Variants in SLC12A9 observed in about 807,000 individuals in gnomAD.
The protein encoded by SLC12A9 is CCC-interacting protein 1.
In SLC12A9, 55 loss-of-function variants were observed where a neutral mutation model predicts 66.0. That is an observed-to-expected ratio of 0.83 (90% CI 0.67 to 1.04). The LOEUF (loss-of-function observed/expected upper bound fraction) is 1.04, where lower values mean the gene tolerates loss of function less well. SLC12A9 is among the 50% of genes least tolerant of loss of function. The pLI is 0.00. For missense variants in SLC12A9, 1,061 were observed against 1,241.9 expected, an observed-to-expected ratio of 0.85 and a Z score of 2.19; for synonymous variants, 577 against 569.0, an observed-to-expected ratio of 1.01 and a Z score of -0.20.
intron 13 of SLC12A9, among the ~76,000 whole-genome samples, chr7:100,863,061 TC>T (rs368703529): frequency 6.7e-6 from 1 of 150,084 alleles, no homozygotes. Context: ...TTTTCCTTCT[TC>T]TTTTTTTTTT....
upstream of SLC12A9, among the ~76,000 whole-genome samples, chr7:100,851,956 T>G (rs545862459): frequency 2.1e-4 from 32 of 152,288 alleles, no homozygotes; most frequent in African/African-American, 7.7e-4. Context: ...AAGTGCCCAT[T>G]AAATGCTCAC....
rs1479003611 is a variant in SLC12A9, at chr7:100,861,896, A to G, written c.1696A>G (p.Thr566Ala). 4 of 1,599,158 alleles carry G rather than the reference A, an allele frequency of 2.5e-6. No individual in the cohort carries two copies. Among genetic ancestry groups the G allele is most frequent in the Admixed American group, 3.4e-5 (2 of 59,008 alleles). ...GGGGCTGTATGTGCTGGGCCACGTC[A>G]CCCTGGGAGACCTCGGTGAGCTGCC... ...KGGLYVLGHV[T>A]LGDLDSLPSD... The change falls in exon 12 of 14, where the codon ACC (threonine) becomes GCC (alanine). Residue 566 changes from threonine to alanine, a missense_variant. Physicochemically the swap from Thr to Ala is moderately conservative, Grantham distance 58 (BLOSUM62 0). Transcript: ENST00000354161. The surrounding 1 kb of genome is among the most constrained non-coding windows in gnomAD (Gnocchi z 5.3).
At position 100,857,191 on chromosome 7, in the gene SLC12A9, G is replaced by A; in HGVS notation, c.757+15G>A. 1 of 1,599,928 alleles carries A rather than the reference G, an allele frequency of 6.3e-7. No homozygotes were observed. The highest frequency in any genetic ancestry group is 8.5e-7 in the Non-Finnish European group (1 of 1,170,484). On this transcript the variant is annotated intron_variant, in intron 5 of 13. Transcript: ENST00000354161. The stretch of plus-strand genomic sequence containing the variant: ...CAACTTGGGCGGTGAGCTGGGTGCT[G>A]CCGTGGCAGGGATCTCGGGGTGAGG...
At chr7:100,858,972 G>T (rs1337349122) in intron 6 of SLC12A9, 30 bp downstream of exon 6, 1 of 1,613,204 alleles carries the variant, frequency 6.2e-7, no homozygotes, top group East Asian at 2.2e-5. Flanking sequence ...GCCTCCTGGG[G>T]GTTTGGGGCT....
At chr7:100,859,841 C>A in intron 7 of SLC12A9, 44 bp from the exon 8 acceptor site, 1 of 1,566,034 alleles carries the variant, frequency 6.4e-7, no homozygotes, top group Non-Finnish European at 8.7e-7. Flanking sequence ...TTTTCTTACC[C>A]CGTGACGCAT....
chr7:100,851,784 CAAAA>C (rs66749400), upstream of SLC12A9, among the ~76,000 whole-genome samples: 2,075 of 74,184 alleles, frequency 0.028, 23 homozygotes, highest in South Asian at 0.059. Flanking sequence ...GTTCCTGGAT[CAAAA>C]AAAAAAAAAA....
At chr7:100,839,359 G>C (rs1488958745) in intron 1 of SLC12A9, among the ~76,000 whole-genome samples, 5 of 152,086 alleles carry the variant, frequency 3.3e-5, no homozygotes, top group Admixed American at 6.5e-5. Context: ...CACTCAGGGA[G>C]CTCGGCTCTT....
chr7:100,860,890 CTT>C, intron 9 of SLC12A9: 1 of 618,416 alleles, frequency 1.6e-6, no homozygotes, highest in Non-Finnish European at 2.9e-6. Flanking sequence ...TACACTGGCA[CTT>C]TTGGGGTTTA....
At chr7:100,864,988 C>T (rs996194840) in intron 13 of SLC12A9, among the ~76,000 whole-genome samples, 3 of 151,860 alleles carry the variant, frequency 2.0e-5, no homozygotes, top group Non-Finnish European at 2.9e-5. Flanking sequence ...GATGGAGTCT[C>T]GCTCTGTTGC....
upstream of SLC12A9, among the ~76,000 whole-genome samples, chr7:100,849,063 A>T (rs564591604): frequency 3.3e-5 from 5 of 151,552 alleles, 1 homozygote; most frequent in East Asian, 9.9e-4. Flanking sequence ...AGTAGCTGGA[A>T]TTACAGGCGT....
At chr7:100,834,888 G>C (rs1813617685) in intron 1 of SLC12A9, among the ~76,000 whole-genome samples, 1 of 152,024 alleles carries the variant, frequency 6.6e-6, no homozygotes, top group South Asian at 2.1e-4. Flanking sequence ...ATAATGGGCT[G>C]GGCACAGTGG....
chr7:100,865,674 G>A (rs767784119), intron 13 of SLC12A9, 45 bp from the exon 14 acceptor site: 13 of 1,568,468 alleles, frequency 8.3e-6, no homozygotes, highest in Non-Finnish European at 1.0e-5. Context: ...CTTAGCCTGT[G>A]AGCCTGACTC....
rs1448133066 is a variant in SLC12A9, at chr7:100,866,170, G to A, written c.2310G>A (p.Leu770=). 8 of 1,612,508 alleles carry A rather than the reference G, an allele frequency of 5.0e-6. No individual in the cohort carries two copies. The South Asian group carries it at 7.7e-5, about 15-fold the overall frequency. Residue 770 remains leucine (L), a synonymous_variant, in exon 14 of 14, where the codon CTG becomes CTA. Coordinates refer to ENST00000354161, the MANE Select transcript of SLC12A9 (RefSeq NM_020246.4). The surrounding 1 kb of genome is among the most constrained non-coding windows in gnomAD (Gnocchi z 7.3). The stretch of plus-strand genomic sequence containing the variant: ...ATAGCGCCCGGCTCCGGATCTTCCT[G>A]TGCCTGGGGCCTCGGGAGGCGCCTG... The part of the protein sequence containing the change: ...AWHSARLRIF[L]CLGPREAPGA...
chr7:100,830,515 A>G (rs1050926614), intron 1 of SLC12A9, among the ~76,000 whole-genome samples: 4 of 151,810 alleles, frequency 2.6e-5, no homozygotes, highest in African/African-American at 9.7e-5. Context: ...CTACAAAAAA[A>G]GAAAGAAAGA....
intron 1 of SLC12A9, among the ~76,000 whole-genome samples, chr7:100,842,516 G>C (rs1053357788): frequency 6.6e-6 from 1 of 152,160 alleles, no homozygotes; most frequent in Non-Finnish European, 1.5e-5. Context: ...TGCCCCCGAC[G>C]TAGAGCTTTC....
At position 100,854,251 on chromosome 7, in the gene SLC12A9, G is replaced by T. The variant is rs1814248015; in HGVS notation, c.54G>T (p.Gly18=). ...LLAYRLLGEE[G]VALPANGAGG... ...CCTACCGGCTCCTGGGGGAGGAGGG[G>T]GTTGCCCTCCCTGCCAATGGGGCCG... is the stretch of plus-strand genomic sequence containing the variant. The change falls in exon 2 of 14, where the codon GGG becomes GGT. Residue 18 remains glycine (G), a synonymous_variant. Transcript: ENST00000354161. 13 of 1,581,002 alleles carry T rather than the reference G, an allele frequency of 8.2e-6. No individual in the cohort carries two copies. In the East Asian group the frequency reaches 2.7e-4, roughly 33 times the overall value.
chr7:100,865,622 G>A lies in SLC12A9; in HGVS notation c.1859-97G>A, dbSNP rs545747618. 38 of 1,556,076 alleles carry A rather than the reference G, an allele frequency of 2.4e-5. No homozygotes were observed. The African/African-American group carries it at 5.0e-4, about 21-fold the overall frequency. The stretch of plus-strand genomic sequence containing the variant: ...ACACAGTGGGAATGTCATACCTATG[G>A]CTGACGCACCTTGCTGTCAGTGTGT... On this transcript the variant is annotated intron_variant, in intron 13 of 13. Coordinates refer to ENST00000354161, the MANE Select transcript of SLC12A9 (RefSeq NM_020246.4).
At chr7:100,850,719 CT>C (rs1814046358), upstream of SLC12A9, among the ~76,000 whole-genome samples, 1 of 149,406 alleles carries the variant, frequency 6.7e-6, no homozygotes, top group Non-Finnish European at 1.5e-5. Flanking sequence ...TCTTCTTCTT[CT>C]TCTTTTTTTT....
chr7:100,844,623 AT>A (rs1813866457), intron 1 of SLC12A9, among the ~76,000 whole-genome samples: 1 of 152,188 alleles, frequency 6.6e-6, no homozygotes, highest in African/African-American at 2.4e-5. Flanking sequence ...TTAAAAAAAA[AT>A]AAAAAGGACC....
Sources: gnomAD v4.1 joint callset for allele counts (sites outside exome capture counted in the v4.1 genomes callset) on GRCh38, gnomAD v4.1.1 for gene constraint, Gnocchi (gnomAD v3.1) non-coding constraint, MANE v1.5 for transcripts, NCBI Gene and HGNC (gene_info 2026-07-23, HGNC 2026-07-21) for gene names.